TNFRSF12A: variants seen among roughly 807,000 people sequenced by gnomAD.
The protein encoded by TNFRSF12A is TNF receptor superfamily member 12A.
Under a neutral mutation model 15.5 loss-of-function variants are expected in TNFRSF12A, and 13 were observed. That is an observed-to-expected ratio of 0.84 (90% CI 0.54 to 1.33). The LOEUF is 1.33. Ranked by LOEUF, TNFRSF12A falls within the 40% of genes most tolerant of loss-of-function variation. The pLI, the probability that TNFRSF12A is intolerant of heterozygous loss-of-function variation, is 0.00. For missense variants in TNFRSF12A, 174 were observed against 173.6 expected (o/e 1.00, Z -0.01); for synonymous variants, 89 against 78.4 (o/e 1.14, Z -0.71).
In TNFRSF12A at chr16:3,021,279, G is replaced by A. The variant is rs753774983; in HGVS notation, c.159G>A (p.Ala53=). Residue 53 remains alanine, a synonymous_variant, in exon 2 of 4, where the codon GCG becomes GCA. Coordinates refer to ENST00000326577, the MANE Select transcript of TNFRSF12A (RefSeq NM_016639.3). ...ACCTGGACAAGTGCATGGACTGCGC[G>A]TCTTGCAGGGCGCGACCGCACAGCG... ...SADLDKCMDC[A]SCRARPHSDF... 5.7e-6 allele frequency: 9 copies of A among 1,590,458 alleles called. No homozygotes were observed. In the Admixed American group the frequency reaches 1.6e-4, roughly 28 times the overall value.
chr16:3,020,950 A>C, intron 1 of TNFRSF12A: 1 of 471,540 alleles, frequency 2.1e-6, no homozygotes, highest in South Asian at 3.9e-5. Context: ...GGGGGGAGGG[A>C]CTGGGGTCGG....
intron 2 of TNFRSF12A, 45 bp downstream of exon 2, chr16:3,021,364 A>T: frequency 6.7e-7 from 1 of 1,489,482 alleles, no homozygotes; most frequent in Middle Eastern, 1.9e-4. Context: ...CCAGACTGGG[A>T]GGGAGGGTGG....
intron 2 of TNFRSF12A, 91 bp downstream of exon 2, chr16:3,021,410 G>C: frequency 7.0e-7 from 1 of 1,426,624 alleles, no homozygotes; most frequent in South Asian, 1.4e-5. Context: ...CTTTGCATCT[G>C]GGAAATCATT....
At chr16:3,021,437 C>T (rs891680822) in intron 2 of TNFRSF12A, 118 bp downstream of exon 2, 4 of 1,420,350 alleles carry the variant, frequency 2.8e-6, no homozygotes, top group Non-Finnish European at 3.7e-6. Flanking sequence ...GAGGTGGGAG[C>T]TGGGAGGGGG....
intron 2 of TNFRSF12A, 33 bp from the exon 3 acceptor site, chr16:3,021,522 G>A: frequency 2.6e-6 from 4 of 1,559,324 alleles, no homozygotes; most frequent in Non-Finnish European, 3.5e-6. Flanking sequence ...GGCCTGGAGA[G>A]GGGCGAGGTC....
At chr16:3,021,020 C>T (rs994572143) in intron 1 of TNFRSF12A, 195 bp from the exon 2 acceptor site, 79 of 491,676 alleles carry the variant, frequency 1.6e-4, no homozygotes, top group Non-Finnish European at 2.4e-4. Flanking sequence ...GACCTGACCC[C>T]CCCCACCCCC....
chr16:3,021,820 C>T lies in TNFRSF12A; in HGVS notation c.384C>T (p.Ile128=). The T allele has an allele frequency of 6.2e-7, 1 of 1,613,002 alleles. No individual in the cohort carries two copies. The highest frequency in any genetic ancestry group is 8.5e-7 in the Non-Finnish European group (1 of 1,179,734). The change falls in exon 4 of 4, where the codon ATC becomes ATT. Residue 128 remains isoleucine (I), a synonymous_variant. Coordinates refer to ENST00000326577, the MANE Select transcript of TNFRSF12A (RefSeq NM_016639.3). ...GGEGCPAVAL[I]Q is the part of the protein sequence containing the mutation. ...AGGGCTGCCCAGCTGTGGCGCTGAT[C>T]CAGTGACAATGTGCCCCCTGCCAGC...
In TNFRSF12A at chr16:3,020,800, C is replaced by T. The variant is rs1567407507; in HGVS notation, c.94+309C>T. The T allele has an allele frequency of 1.5e-5, 6 of 400,672 alleles. No individual in the cohort carries two copies. In the Admixed American group the frequency reaches 2.6e-4, roughly 18 times the overall value. 24.8% of individuals were successfully genotyped at this position (400,672 alleles called of 1,614,324 possible). ...ATGTTTAGTCTAGGAAGGGGCACGC[C>T]CCCAGCCTGGTCCGTACAGGGTCTA... On this transcript the variant is annotated intron_variant, in intron 1 of 3. Transcript: ENST00000326577.
In TNFRSF12A at chr16:3,021,627, T is replaced by G; in HGVS notation, c.272T>G (p.Val91Gly). 1 of 1,613,692 alleles carries G rather than the reference T, an allele frequency of 6.2e-7. No homozygotes were observed. Among genetic ancestry groups the G allele is most frequent in the Non-Finnish European group, 8.5e-7 (1 of 1,179,990 alleles). Reference protein sequence around the residue: ...ILGGALSLTFVLGLLSGFLVW... With the variant: ...ILGGALSLTFGLGLLSGFLVW... ...GGGGGCGCTCTGAGCCTGACCTTCGTGCTGGGGCTGCTTTCTGGCTTTTTG... is the reference window on the plus strand; with the variant it reads ...GGGGGCGCTCTGAGCCTGACCTTCGGGCTGGGGCTGCTTTCTGGCTTTTTG... Residue 91 changes from valine to glycine, a missense_variant, in exon 3 of 4, where the codon GTG becomes GGG. Physicochemically the swap from Val to Gly is moderately radical, Grantham distance 109. Coordinates refer to ENST00000326577, the MANE Select transcript of TNFRSF12A (RefSeq NM_016639.3).
At chr16:3,021,406 A>G in intron 2 of TNFRSF12A, 87 bp downstream of exon 2, 1 of 1,425,592 alleles carries the variant, frequency 7.0e-7, no homozygotes, top group Non-Finnish European at 9.3e-7. Context: ...AGAGCTTTGC[A>G]TCTGGGAAAT....
chr16:3,021,593 C>T lies in TNFRSF12A; in HGVS notation c.238C>T (p.Pro80Ser), dbSNP rs1186896905. Residue 80 changes from proline (P) to serine (S), a missense_variant, in exon 3 of 4, where the codon CCC (proline) becomes TCC (serine). Coordinates refer to ENST00000326577, the MANE Select transcript of TNFRSF12A (RefSeq NM_016639.3). The part of the protein sequence containing the change: ...APPAPFRLLW[P>S]ILGGALSLTF... ...TCCTGCCCCCTTCCGGCTGCTTTGG[C>T]CCATCCTTGGGGGCGCTCTGAGCCT... The T allele has an allele frequency of 6.2e-7, 1 of 1,613,068 alleles. No homozygotes were observed.
At chr16:3,021,478 GA>G in intron 2 of TNFRSF12A, 76 bp from the exon 3 acceptor site, 1 of 1,461,234 alleles carries the variant, frequency 6.8e-7, no homozygotes, top group Non-Finnish European at 9.0e-7. Flanking sequence ...ACGTTTGGGA[GA>G]AGGCAGAAGG....
chr16:3,022,109 G>C lies in TNFRSF12A; in HGVS notation c.*283G>C. 2 of 458,970 alleles carry C rather than the reference G, an allele frequency of 4.4e-6. No individual in the cohort carries two copies. Among genetic ancestry groups the C allele is most frequent in the East Asian group, 3.5e-5 (1 of 28,646 alleles). 28.4% of individuals were successfully genotyped at this position (458,970 alleles called of 1,614,324 possible). On this transcript the variant is annotated 3_prime_UTR_variant, in exon 4 of 4. Coordinates refer to ENST00000326577, the MANE Select transcript of TNFRSF12A (RefSeq NM_016639.3). ...ACTGCAGCATTTGCACAGGGGAGGGGGGTGCCCTCCTTCCTAGAGGCCCTG... is the reference window on the plus strand; with the variant it reads ...ACTGCAGCATTTGCACAGGGGAGGGCGGTGCCCTCCTTCCTAGAGGCCCTG...
rs757402359 is a variant in TNFRSF12A, at chr16:3,021,208, T to C, written c.95-7T>C. 3.2e-5 allele frequency: 48 copies of C among 1,497,042 alleles called. No homozygotes were observed. Among genetic ancestry groups the C allele is most frequent in the Non-Finnish European group, 4.0e-5 (44 of 1,108,910 alleles). The allele number at this position is 1,497,042 out of a possible 1,614,324, so 92.7% of individuals were successfully genotyped here. On this transcript the variant is annotated splice_polypyrimidine_tract_variant and splice_region_variant and intron_variant, in intron 1 of 3. Coordinates refer to ENST00000326577, the MANE Select transcript of TNFRSF12A (RefSeq NM_016639.3). ...CCCCAGCCTCTGACCCGAGGCCCCC[T>C]CCCCAGGCACCGCCCCCTGCTCCCG...
At position 3,021,437 on chromosome 16, in the gene TNFRSF12A, C is replaced by A. The variant is rs891680822; in HGVS notation, c.199+118C>A. ...GAAATCATTCGGGAGGAGGTGGGAG[C>A]TGGGAGGGGGCTCCGGTCAGGGAGG... On this transcript the variant is annotated intron_variant, in intron 2 of 3. Coordinates refer to ENST00000326577, the MANE Select transcript of TNFRSF12A (RefSeq NM_016639.3). 6 of 1,420,230 alleles carry A rather than the reference C, an allele frequency of 4.2e-6. No homozygotes were observed. The South Asian group carries it at 8.5e-5, about 20-fold the overall frequency. 88.0% of individuals were successfully genotyped at this position (1,420,230 alleles called of 1,614,324 possible).
chr16:3,021,033 C>T, intron 1 of TNFRSF12A, 182 bp from the exon 2 acceptor site: 2 of 471,860 alleles, frequency 4.2e-6, no homozygotes, highest in Non-Finnish European at 7.5e-6. Flanking sequence ...CCACCCCCAG[C>T]GTCCCGCGCT....
intron 2 of TNFRSF12A, 62 bp from the exon 3 acceptor site, chr16:3,021,493 A>T: frequency 1.3e-6 from 2 of 1,483,892 alleles, no homozygotes; most frequent in Non-Finnish European, 1.8e-6. Context: ...CAGAAGGCTC[A>T]GTCTTAGGGG....
Position 3,022,220 on chromosome 16 carries a change from G to T in TNFRSF12A, c.*394G>T. ...AAATTCCACCACGGGGGTCACCCTGGGGGGTTAGGGACCTATTTTTAACAC... is the reference window on the plus strand; with the variant it reads ...AAATTCCACCACGGGGGTCACCCTGTGGGGTTAGGGACCTATTTTTAACAC... On this transcript the variant is annotated 3_prime_UTR_variant, in exon 4 of 4. Transcript: ENST00000326577. 1 of 386,868 alleles carries T rather than the reference G, an allele frequency of 2.6e-6. No individual in the cohort carries two copies. The highest frequency in any genetic ancestry group is 4.6e-6 in the Non-Finnish European group (1 of 218,112). 24.0% of individuals were successfully genotyped at this position (386,868 alleles called of 1,614,324 possible).
chr16:3,021,161 C>T, intron 1 of TNFRSF12A, 54 bp from the exon 2 acceptor site: 3 of 978,944 alleles, frequency 3.1e-6, no homozygotes, highest in Non-Finnish European at 4.4e-6. Flanking sequence ...TGACCTCAGA[C>T]CCCAGAATAG....
Sources: gnomAD v4.1 joint callset for allele counts on GRCh38, gnomAD v4.1.1 for gene constraint, MANE v1.5 for transcripts, NCBI Gene and HGNC (gene_info 2026-07-23, HGNC 2026-07-21) for gene names.